The following TLE2 variants were observed in gnomAD, a reference collection of about 807,000 sequenced individuals.
The protein encoded by TLE2 is TLE family member 2, transcriptional corepressor.
TLE2 carries 74 observed loss-of-function variants against 97.2 expected under a neutral mutation model. The observed-to-expected ratio is 0.76, with a 90% CI of 0.63 to 0.92. TLE2 has a LOEUF of 0.92. TLE2 is among the 40% of genes least tolerant of loss of function. The pLI, the probability that TLE2 is intolerant of heterozygous loss-of-function variation, is 0.00. For synonymous variants in TLE2, 499 were observed against 432.1 expected (o/e 1.15, Z -1.92); for missense variants, 1,038 against 1,008.7 (o/e 1.03, Z -0.39).
In TLE2 at chr19:3,009,592, G is replaced by A. The variant is rs752046997; in HGVS notation, c.1123C>T (p.His375Tyr). The change falls in exon 13 of 20, where the codon CAC becomes TAC. Residue 375 changes from histidine (H) to tyrosine (Y), a missense_variant. Transcript: ENST00000262953. ...GAGCTGCTGACCTGGGGGGACAGGT[G>A]GAGGCTGACGTAGGAGCTGGGCACG... Reference protein sequence around the residue: ...LSVPSSYVSLHLSPQVSSSVV... With the variant: ...LSVPSSYVSLYLSPQVSSSVV... 1.2e-6 allele frequency: 2 copies of A among 1,613,506 alleles called. No homozygotes were observed. The highest frequency in any genetic ancestry group is 1.7e-6 in the Non-Finnish European group (2 of 1,179,732).
At chr19:3,006,294 C>G (rs2089475579) in intron 15 of TLE2, 126 bp downstream of exon 15, 1 of 1,426,106 alleles carries the variant, frequency 7.0e-7, no homozygotes, top group African/African-American at 1.4e-5. Flanking sequence ...AGCTCCGCCC[C>G]TCACCTATAA....
intron 5 of TLE2, 34 bp downstream of exon 5, chr19:3,024,986 T>C: frequency 2.0e-6 from 3 of 1,475,124 alleles, no homozygotes; most frequent in Admixed American, 1.9e-5. Flanking sequence ...TCCGGCTCCC[T>C]TCCCCTCCTC....
chr19:3,022,110 G>A (rs1186697844), intron 5 of TLE2, among the ~76,000 whole-genome samples: 1 of 150,462 alleles, frequency 6.6e-6, no homozygotes, highest in Admixed American at 6.6e-5. Context: ...ATGCAGTGGC[G>A]TGATCTCGGT....
intron 1 of TLE2, among the ~76,000 whole-genome samples, chr19:3,039,815 C>G (rs899486935): frequency 9.9e-5 from 15 of 152,170 alleles, no homozygotes; most frequent in Non-Finnish European, 2.1e-4. Context: ...CAGCTGAGAT[C>G]GCAGAGATCA....
chr19:3,044,151 C>T (rs1378114837), intron 1 of TLE2, among the ~76,000 whole-genome samples: 3 of 151,048 alleles, frequency 2.0e-5, no homozygotes, highest in South Asian at 2.1e-4. Flanking sequence ...CCAGCCTGGG[C>T]GACAGAGACT....
At chr19:3,002,280 G>A (rs2089378921) in intron 18 of TLE2, 73 bp downstream of exon 18, 1 of 1,508,266 alleles carries the variant, frequency 6.6e-7, no homozygotes, top group Admixed American at 2.3e-5. Context: ...ATTTATCTAA[G>A]ATTCAGATTG....
rs149586321 is a variant in TLE2, at chr19:2,998,645, C to T, written c.2125-690G>A. On this transcript the variant is annotated intron_variant, in intron 19 of 19. Transcript: ENST00000262953. ...GCCAGGCTAGTCTCAAACTCCTGACCTCAGGCGATCCACCGCCTAGGCCTC... is the reference window on the plus strand; with the variant it reads ...GCCAGGCTAGTCTCAAACTCCTGACTTCAGGCGATCCACCGCCTAGGCCTC... 2.1e-3 allele frequency among the ~76,000 whole-genome samples: 325 copies of T among 152,178 alleles called. 1 individual carries two copies. The highest frequency in any genetic ancestry group is 0.012 in the South Asian group (60 of 4,822).
chr19:3,035,897 G>T (rs76748492), intron 1 of TLE2, among the ~76,000 whole-genome samples: 10,536 of 151,368 alleles, frequency 0.07, 505 homozygotes, highest in Admixed American at 0.12. Flanking sequence ...GGGGGCTAAG[G>T]CTCCATTATT....
At chr19:3,036,151 G>T (rs1261054095) in intron 1 of TLE2, among the ~76,000 whole-genome samples, 1 of 152,172 alleles carries the variant, frequency 6.6e-6, no homozygotes, top group Non-Finnish European at 1.5e-5. Context: ...CCCCCAGGTG[G>T]GGGGGATGGG....
chr19:3,033,366 A>T (rs931650655), upstream of TLE2, among the ~76,000 whole-genome samples: 1 of 151,796 alleles, frequency 6.6e-6, no homozygotes, highest in Admixed American at 6.6e-5. Flanking sequence ...ACAGGGTTTC[A>T]CCATGTTAGT....
chr19:3,002,101 A>C (rs893736626), intron 18 of TLE2, among the ~76,000 whole-genome samples: 4 of 152,018 alleles, frequency 2.6e-5, no homozygotes, highest in African/African-American at 9.7e-5. Context: ...CCCAGCCTTA[A>C]ATTTGAATCT....
At chr19:3,001,775 T>C (rs1395170694) in intron 18 of TLE2, among the ~76,000 whole-genome samples, 1 of 149,562 alleles carries the variant, frequency 6.7e-6, no homozygotes, top group East Asian at 2.0e-4. Flanking sequence ...GTGCCTGGCT[T>C]AAATTTCTTT....
At chr19:3,014,081 C>G (rs1054501075) in intron 10 of TLE2, among the ~76,000 whole-genome samples, 2 of 151,576 alleles carry the variant, frequency 1.3e-5, no homozygotes, top group Admixed American at 1.3e-4. Flanking sequence ...GCACATCCAG[C>G]TAATTTTTTT....
upstream of TLE2, among the ~76,000 whole-genome samples, chr19:3,030,950 C>CAAA (rs60265159): frequency 1.9e-4 from 22 of 112,910 alleles, no homozygotes; most frequent in South Asian, 3.1e-4. Context: ...GACCTTGTCT[C>CAAA]AAAAAAAAAA....
intron 1 of TLE2, among the ~76,000 whole-genome samples, chr19:3,039,225 C>CAAA (rs1198237452): frequency 4.1e-4 from 43 of 103,872 alleles, no homozygotes; most frequent in Middle Eastern, 0.01. Context: ...TTCCCCACTC[C>CAAA]AAAAAAAAAA....
At position 3,019,784 on chromosome 19, in the gene TLE2, G is replaced by C; in HGVS notation, c.295-11C>G. 1 of 1,610,378 alleles carries C rather than the reference G, an allele frequency of 6.2e-7. No homozygotes were observed. Among genetic ancestry groups the C allele is most frequent in the Non-Finnish European group, 8.5e-7 (1 of 1,178,640 alleles). ...CACCTGCTGCTGATGCTGGCGGGTG[G>C]AAGGGATCAGGTAGAGGGTACATTG... On this transcript the variant is annotated splice_polypyrimidine_tract_variant and intron_variant, in intron 5 of 19. Transcript: ENST00000262953. This position sits in a 1 kb window ranked among gnomAD's most constrained non-coding sequence, Gnocchi z 5.1.
chr19:3,007,806 C>A (rs542755076), intron 14 of TLE2, among the ~76,000 whole-genome samples: 2 of 152,252 alleles, frequency 1.3e-5, no homozygotes, highest in African/African-American at 4.8e-5. Flanking sequence ...CATTTTCAGG[C>A]CGGCACAGTG....
rs1335859038 is a variant in TLE2 at position 3,019,416 on chromosome 19, G to T, written c.417C>A (p.Thr139=). 6.5e-7 allele frequency: 1 copy of T among 1,538,352 alleles called. No homozygotes were observed. Among genetic ancestry groups the T allele is most frequent in the Non-Finnish European group, 8.7e-7 (1 of 1,147,644 alleles). The change falls in exon 7 of 20, where the codon ACC becomes ACA. Residue 139 remains threonine (T), a synonymous_variant. Transcript: ENST00000262953. The surrounding 1 kb of genome is among the most constrained non-coding windows in gnomAD (Gnocchi z 5.1). ...LSHHAPPVPL[T]PRPAGLVGGS... ...CGCCCACCAGCCCGGCTGGGCGGGG[G>T]GTGAGGGGCACAGGGGGTGCGTGGT... is the stretch of plus-strand genomic sequence containing the variant.
In TLE2 at chr19:3,013,818, C is replaced by A; in HGVS notation, c.724G>T (p.Asp242Tyr). The change falls in exon 11 of 20, where the codon GAC (aspartate) becomes TAC (tyrosine). Residue 242 changes from aspartate (D) to tyrosine (Y), a missense_variant and splice_region_variant. Transcript: ENST00000262953. ...KSDYNLVVDE[D>Y]QPSEPPSPAT... ...GGGCTGGGGGGCTCTGAGGGTTGGT[C>A]CTGGGTTTGAGGAGGTGACGTTGAG... The A allele has an allele frequency of 1.3e-6, 2 of 1,535,084 alleles. No individual in the cohort carries two copies. Among genetic ancestry groups the A allele is most frequent in the Non-Finnish European group, 1.7e-6 (2 of 1,146,634 alleles).
Sources: allele counts gnomAD v4.1 joint callset (sites outside exome capture counted in the v4.1 genomes callset), GRCh38; gene constraint gnomAD v4.1.1; non-coding constraint Gnocchi (gnomAD v3.1); transcripts MANE v1.5; gene names NCBI Gene and HGNC (gene_info 2026-07-23, HGNC 2026-07-21).